Variants in PEPD observed in about 807,000 individuals in gnomAD.
PEPD encodes the protein peptidase D.
In PEPD, 53 loss-of-function variants were observed where a neutral mutation model predicts 60.7. The ratio of observed to expected loss-of-function variants is 0.87; its 90% confidence interval spans 0.70 to 1.10. The LOEUF (loss-of-function observed/expected upper bound fraction) is 1.10, where lower values mean the gene tolerates loss of function less well. Ranked by LOEUF, PEPD falls within the 50% of genes least tolerant of loss-of-function variation. PEPD has a pLI of 0.00. For missense variants in PEPD, 711 were observed against 711.9 expected (o/e 1.00, Z 0.01); for synonymous variants, 267 against 284.1 (o/e 0.94, Z 0.60).
chr19:33,452,055 T>C (rs1196664892), intron 9 of PEPD, among the ~76,000 whole-genome samples: 1 of 152,152 alleles, frequency 6.6e-6, no homozygotes, highest in Admixed American at 6.5e-5. Context: ...ACTAAACACT[T>C]TCCAGTATTC....
At chr19:33,440,648 T>A (rs761237271) in intron 9 of PEPD, among the ~76,000 whole-genome samples, 4 of 152,134 alleles carry the variant, frequency 2.6e-5, no homozygotes, top group Non-Finnish European at 5.9e-5. Flanking sequence ...TTCAACATCA[T>A]CCTACTCAAC....
At chr19:33,492,297 T>C (rs1367465211) in intron 5 of PEPD, among the ~76,000 whole-genome samples, 1 of 152,152 alleles carries the variant, frequency 6.6e-6, no homozygotes, top group Non-Finnish European at 1.5e-5. Flanking sequence ...ACACCCCTGC[T>C]ACCTTGAGGG....
intron 9 of PEPD, among the ~76,000 whole-genome samples, chr19:33,420,419 G>A (rs1008252531): frequency 6.6e-6 from 1 of 152,084 alleles, no homozygotes; most frequent in African/African-American, 2.4e-5. Flanking sequence ...ATAATTAGCT[G>A]TGGCCGGGCG....
intron 9 of PEPD, among the ~76,000 whole-genome samples, chr19:33,460,749 G>A (rs11668835): frequency 6.6e-6 from 1 of 152,170 alleles, no homozygotes; most frequent in Non-Finnish European, 1.5e-5. Flanking sequence ...ATGCCACTCA[G>A]CACCCTGTGG....
intron 13 of PEPD, 52 bp downstream of exon 13, chr19:33,391,243 G>T: frequency 6.9e-7 from 1 of 1,456,838 alleles, no homozygotes; most frequent in Non-Finnish European, 9.5e-7. Flanking sequence ...TGGGGGTCAG[G>T]CTCAGCGGCA....
intron 11 of PEPD, among the ~76,000 whole-genome samples, chr19:33,409,498 T>TG (rs1968715076): frequency 6.6e-6 from 1 of 152,220 alleles, no homozygotes; most frequent in Non-Finnish European, 1.5e-5. Context: ...GGTGAGACCC[T>TG]GTCTTTTTAA....
intron 4 of PEPD, among the ~76,000 whole-genome samples, chr19:33,494,611 T>C (rs950559812): frequency 2.0e-5 from 3 of 152,242 alleles, no homozygotes; most frequent in Admixed American, 1.3e-4. Context: ...ACATGCAATT[T>C]TTAGCAGTCA....
In PEPD at chr19:33,413,652, G is replaced by T; in HGVS notation, c.672-9C>A. 1 of 1,563,578 alleles carries T rather than the reference G, an allele frequency of 6.4e-7. No homozygotes were observed. The highest frequency in any genetic ancestry group is 8.7e-7 in the Non-Finnish European group (1 of 1,148,434). ...AGTAGTGCTCGAAGAGGCTGCAGGG[G>T]GAGAGACGCGTCAGGGTTGGGGCAC... On this transcript the variant is annotated splice_polypyrimidine_tract_variant and intron_variant, in intron 9 of 14. Transcript: ENST00000244137.
intron 9 of PEPD, among the ~76,000 whole-genome samples, chr19:33,459,135 C>T (rs1346557847): frequency 6.6e-6 from 1 of 152,010 alleles, no homozygotes; most frequent in Admixed American, 6.5e-5. Flanking sequence ...AAAGCCCAGG[C>T]CTGTGGAGAA....
intron 3 of PEPD, among the ~76,000 whole-genome samples, chr19:33,505,528 G>T (rs1970783013): frequency 6.6e-6 from 1 of 151,950 alleles, no homozygotes; most frequent in Admixed American, 6.6e-5. Context: ...CTTCTCAGAG[G>T]CCTGCACGGC....
At chr19:33,387,712 C>T (rs908233195) in intron 14 of PEPD, 178 bp downstream of exon 14, 3 of 758,588 alleles carry the variant, frequency 4.0e-6, no homozygotes, top group Non-Finnish European at 4.5e-6. Context: ...TGCAGGATCT[C>T]TGTCTGTTCC....
At position 33,493,328 on chromosome 19, in the gene PEPD, C is replaced by A. The variant is rs777913990; in HGVS notation, c.403G>T (p.Val135Phe). 5 of 1,612,962 alleles carry A rather than the reference C, an allele frequency of 3.1e-6. No individual in the cohort carries two copies. The African/African-American group carries it at 4.0e-5, about 13-fold the overall frequency. Residue 135 changes from valine to phenylalanine, a missense_variant, in exon 5 of 15, where the codon GTC becomes TTC. Physicochemically the swap from Val to Phe is conservative, Grantham distance 50. Transcript: ENST00000244137. The part of the protein sequence containing the change: ...DVQYVDEIAS[V>F]LTSQKPSVLL... Reference sequence around the variant, plus strand: ...ACAGAGGGCTTCTGTGACGTCAGGACGCTGGCAATCTAGAAGGTCGGAAAG... The same window carrying A: ...ACAGAGGGCTTCTGTGACGTCAGGAAGCTGGCAATCTAGAAGGTCGGAAAG...
intron 7 of PEPD, among the ~76,000 whole-genome samples, chr19:33,476,571 C>G (rs1010801530): frequency 3.3e-5 from 5 of 152,202 alleles, no homozygotes; most frequent in African/African-American, 1.2e-4. Context: ...CCACTGCCAG[C>G]TGGACCCCTG....
intron 12 of PEPD, among the ~76,000 whole-genome samples, chr19:33,398,687 A>G (rs7256564): frequency 0.69 from 105,236 of 152,198 alleles, 37,050 homozygotes; most frequent in African/African-American, 0.8. Flanking sequence ...AAGGAAGGAG[A>G]AGGAGTGGCG....
At chr19:33,464,156 G>A (rs933304393) in intron 7 of PEPD, 94 bp from the exon 8 acceptor site, 1 of 864,062 alleles carries the variant, frequency 1.2e-6, no homozygotes, top group Admixed American at 1.9e-5. Context: ...ACCACACCCT[G>A]CACAGCCCAG....
intron 13 of PEPD, among the ~76,000 whole-genome samples, chr19:33,389,823 C>G (rs954373420): frequency 6.6e-6 from 1 of 152,258 alleles, no homozygotes; most frequent in Non-Finnish European, 1.5e-5. Flanking sequence ...CCCAGTGGCG[C>G]AGCTGCCCCT....
At position 33,387,267 on chromosome 19, in the gene PEPD, G is replaced by C. The variant is rs1968092580; in HGVS notation, c.*77C>G. On this transcript the variant is annotated 3_prime_UTR_variant, in exon 15 of 15. Transcript: ENST00000244137. ...GGGTGCCGTCTCTCGCTACTGGAGT[G>C]CTGACCAGCAGGCTGCCCATCACGA... 5.1e-6 allele frequency: 8 copies of C among 1,561,824 alleles called. No individual in the cohort carries two copies. Among genetic ancestry groups the C allele is most frequent in the Non-Finnish European group, 5.3e-6 (6 of 1,139,148 alleles).
intron 7 of PEPD, among the ~76,000 whole-genome samples, chr19:33,474,657 C>A (rs1286803015): frequency 1.3e-5 from 2 of 152,050 alleles, no homozygotes; most frequent in East Asian, 3.9e-4. Flanking sequence ...GTACTCCAGC[C>A]TGGGTGACAG....
chr19:33,503,759 C>A (rs1293101595), intron 3 of PEPD, among the ~76,000 whole-genome samples: 1 of 152,182 alleles, frequency 6.6e-6, no homozygotes, highest in African/African-American at 2.4e-5. Context: ...TGCCTCTAGC[C>A]CCCTCCCTTC....
Sources: gnomAD v4.1 joint callset for allele counts (sites outside exome capture counted in the v4.1 genomes callset) on GRCh38, gnomAD v4.1.1 for gene constraint, MANE v1.5 for transcripts, NCBI Gene and HGNC (gene_info 2026-07-23, HGNC 2026-07-21) for gene names.